The following IL1RAPL1 variants were observed in gnomAD, a reference collection of about 807,000 sequenced individuals.
IL1RAPL1 encodes interleukin 1 receptor accessory protein like 1, also known as interleukin-1 receptor accessory protein-like 1.
In IL1RAPL1, 3 loss-of-function variants were observed where a neutral mutation model predicts 48.4. The ratio of observed to expected loss-of-function variants is 0.06; its 90% CI spans 0.03 to 0.16. The LOEUF (loss-of-function observed/expected upper bound fraction) is 0.16. Among genes scored for constraint, IL1RAPL1 ranks in the 10% least tolerant of loss-of-function variants. The pLI is 1.00. For synonymous variants in IL1RAPL1, 185 were observed against 187.7 expected, an observed-to-expected ratio of 0.99 and a Z score of 0.12; for missense variants, 349 against 530.6, an observed-to-expected ratio of 0.66 and a Z score of 3.36.
chrX:29,939,886 G>T (rs113393420), intron 8 of IL1RAPL1, among the ~76,000 whole-genome samples: 1 of 92,809 alleles, frequency 1.1e-5, no homozygotes, highest in Non-Finnish European at 2.1e-5. Flanking sequence ...TTTTTGAGAC[G>T]GAGTCTCGTT....
chrX:29,045,976 CCTT>C (rs1366790367), intron 2 of IL1RAPL1, among the ~76,000 whole-genome samples: 10 of 73,331 alleles, frequency 1.4e-4, no homozygotes, highest in Admixed American at 1.9e-4. Context: ...TTCTTCTCCT[CCTT>C]CTTCCTCCTC....
chrX:29,550,251 G>A (rs1207016513), intron 5 of IL1RAPL1, among the ~76,000 whole-genome samples: 1 of 110,606 alleles, frequency 9.0e-6, no homozygotes, highest in Admixed American at 9.6e-5. Context: ...GAGTGCAGTG[G>A]CGGGATCTCG....
At chrX:28,599,099 G>A (rs986527656) in intron 1 of IL1RAPL1, among the ~76,000 whole-genome samples, 1 of 109,111 alleles carries the variant, frequency 9.2e-6, no homozygotes, top group Non-Finnish European at 1.9e-5. Context: ...AAATTAGCTG[G>A]GCACATTGGC....
At chrX:29,329,427 A>G (rs758276530) in intron 3 of IL1RAPL1, among the ~76,000 whole-genome samples, 1 of 112,150 alleles carries the variant, frequency 8.9e-6, no homozygotes, top group East Asian at 2.8e-4. Context: ...CATAATAGTC[A>G]AAAGTGGAAA....
chrX:29,649,173 T>C (rs967763297), intron 5 of IL1RAPL1, among the ~76,000 whole-genome samples: 1 of 111,289 alleles, frequency 9.0e-6, no homozygotes, highest in Admixed American at 9.6e-5. Flanking sequence ...ACCAAATATT[T>C]AAGGAAGTAA....
intron 2 of IL1RAPL1, among the ~76,000 whole-genome samples, chrX:28,790,420 C>T (rs939677250): frequency 1.8e-5 from 2 of 112,769 alleles, no homozygotes; most frequent in African/African-American, 6.4e-5. Flanking sequence ...AGGCTTCAAA[C>T]TCACTTTGAT....
intron 1 of IL1RAPL1, among the ~76,000 whole-genome samples, chrX:28,723,253 T>TTGAA (rs1271940051): frequency 9.0e-6 from 1 of 111,117 alleles, no homozygotes; most frequent in Non-Finnish European, 1.9e-5. Context: ...GGCTATTAAT[T>TTGAA]ATTGCCTCAA....
At chrX:29,531,352 TAA>T (rs1184683174) in intron 5 of IL1RAPL1, among the ~76,000 whole-genome samples, 15 of 111,548 alleles carry the variant, frequency 1.3e-4, no homozygotes, top group African/African-American at 4.9e-4. Flanking sequence ...GAGTGACACA[TAA>T]AGGGAAGAAA....
chrX:29,439,791 C>T (rs1386449191), intron 5 of IL1RAPL1, among the ~76,000 whole-genome samples: 1 of 102,883 alleles, frequency 9.7e-6, no homozygotes, highest in East Asian at 3.1e-4. Context: ...TCAGAATATA[C>T]TTTATAGTAC....
chrX:28,729,164 G>C (rs1371521125), intron 1 of IL1RAPL1, among the ~76,000 whole-genome samples: 1 of 111,446 alleles, frequency 9.0e-6, no homozygotes, highest in Non-Finnish European at 1.9e-5. Flanking sequence ...CTCCCAGACT[G>C]ACCAAAATGC....
At chrX:29,863,436 C>A (rs1931631057) in intron 6 of IL1RAPL1, among the ~76,000 whole-genome samples, 1 of 111,437 alleles carries the variant, frequency 9.0e-6, no homozygotes, top group South Asian at 3.8e-4. Context: ...GAGTAAATTG[C>A]AAATCCCCTG....
At chrX:29,451,325 G>A (rs970826153) in intron 5 of IL1RAPL1, among the ~76,000 whole-genome samples, 1 of 109,294 alleles carries the variant, frequency 9.1e-6, no homozygotes, top group Non-Finnish European at 1.9e-5. Flanking sequence ...CACACAAGTA[G>A]CTGGGACTAC....
chrX:29,151,013 G>A (rs73212106), intron 2 of IL1RAPL1, among the ~76,000 whole-genome samples: 4,806 of 110,375 alleles, frequency 0.044, 95 homozygotes, highest in Middle Eastern at 0.075. Context: ...AGAGAAGCAA[G>A]CAAAGATTGA....
intron 6 of IL1RAPL1, among the ~76,000 whole-genome samples, chrX:29,837,211 C>T (rs987100185): frequency 7.3e-5 from 7 of 96,205 alleles, no homozygotes; most frequent in African/African-American, 2.3e-4. Flanking sequence ...TGCATTGAGC[C>T]GAGTTCGCGC....
chrX:28,985,745 C>T (rs1485126832), intron 2 of IL1RAPL1, among the ~76,000 whole-genome samples: 4 of 107,108 alleles, frequency 3.7e-5, no homozygotes, highest in South Asian at 4.2e-4. Flanking sequence ...CTACAAGCTC[C>T]GCCTCCCGGG....
intron 8 of IL1RAPL1, among the ~76,000 whole-genome samples, chrX:29,926,576 G>A (rs1290125141): frequency 2.7e-5 from 3 of 112,153 alleles, no homozygotes; most frequent in African/African-American, 9.7e-5. Flanking sequence ...CTTAGTAAAT[G>A]TGATGAATGG....
intron 2 of IL1RAPL1, among the ~76,000 whole-genome samples, chrX:28,820,877 T>G (rs1426576733): frequency 9.0e-6 from 1 of 110,877 alleles, no homozygotes; most frequent in Non-Finnish European, 1.9e-5. Context: ...CCAAGGAAAG[T>G]ACAAATGCTT....
chrX:29,939,242 A>G (rs1295214589), intron 8 of IL1RAPL1, among the ~76,000 whole-genome samples: 1 of 112,156 alleles, frequency 8.9e-6, no homozygotes, highest in Non-Finnish European at 1.9e-5. Context: ...TTCTTTTTCC[A>G]TTTCTTTTTT....
At chrX:29,362,869 C>T (rs1933395617) in intron 3 of IL1RAPL1, among the ~76,000 whole-genome samples, 1 of 112,231 alleles carries the variant, frequency 8.9e-6, no homozygotes. Context: ...AAATTAATCC[C>T]TCCATTGCAG....
Sources: allele counts gnomAD v4.1 joint callset (sites outside exome capture counted in the v4.1 genomes callset), GRCh38; gene constraint gnomAD v4.1.1; transcripts MANE v1.5; gene names NCBI Gene and HGNC (gene_info 2026-07-23, HGNC 2026-07-21).